Variants in DPP6 observed in about 807,000 individuals in gnomAD.
DPP6 encodes the protein dipeptidyl peptidase like 6.
DPP6 carries 69 observed loss-of-function variants against 122.6 expected under a neutral mutation model. The observed-to-expected ratio is 0.56, with a 90% CI of 0.46 to 0.69. DPP6 has a LOEUF of 0.69. DPP6 is among the 30% of genes least tolerant of loss of function. The probability of loss-of-function intolerance (pLI) is 0.00; values close to 1 mark genes in which losing one functional copy is unlikely to be tolerated. For synonymous variants in DPP6, 418 were observed against 433.1 expected (o/e 0.97, Z 0.43); for missense variants, 928 against 1,116.9 (o/e 0.83, Z 2.41).
chr7:153,818,327 T>C, the DPP6 span, among the ~76,000 whole-genome samples: 1 of 152,012 alleles, frequency 6.6e-6, no homozygotes, highest in Non-Finnish European at 1.5e-5. Context: ...CCCTGGAAAT[T>C]TGATGAGGGG....
the DPP6 span, among the ~76,000 whole-genome samples, chr7:153,753,105 G>A: frequency 6.6e-6 from 1 of 151,662 alleles, no homozygotes; most frequent in Non-Finnish European, 1.5e-5. Flanking sequence ...TGTTGTAATT[G>A]TTTATATTTC....
At chr7:154,449,648 G>C (rs1244326097) in intron 2 of DPP6, among the ~76,000 whole-genome samples, 1 of 152,108 alleles carries the variant, frequency 6.6e-6, no homozygotes, top group East Asian at 1.9e-4. Context: ...GTTCATAACA[G>C]CATTAATGAT....
rs535797329 is a variant in DPP6, at chr7:154,887,580, C to A, written c.2246-96C>A. On this transcript the variant is annotated intron_variant, in intron 22 of 25. Coordinates refer to ENST00000377770, the MANE Select transcript of DPP6 (RefSeq NM_130797.4). The stretch of plus-strand genomic sequence containing the variant: ...AAGTGGGAATGAGCCTGAGTCCTCA[C>A]CCCGCACCCGGTCCAGGGCCCTCCC... 5.5e-6 allele frequency: 7 copies of A among 1,263,264 alleles called. No homozygotes were observed. The South Asian group carries it at 8.3e-5, about 15-fold the overall frequency. 78.3% of individuals were successfully genotyped at this position (1,263,264 alleles called of 1,614,324 possible). A position where few individuals can be genotyped will look rare whatever the true frequency, so the allele number is the denominator to read the frequency against.
chr7:153,856,424 G>T, the DPP6 span, among the ~76,000 whole-genome samples: 1 of 152,126 alleles, frequency 6.6e-6, no homozygotes, highest in Non-Finnish European at 1.5e-5. Flanking sequence ...TTTAAGAGGA[G>T]AAAATATTCA....
intron 1 of DPP6, among the ~76,000 whole-genome samples, chr7:154,428,951 C>T (rs756039983): frequency 9.2e-5 from 14 of 152,078 alleles, no homozygotes; most frequent in Admixed American, 3.3e-4. Context: ...CAGCACTGTA[C>T]GCTTCATCCA....
chr7:154,559,906 T>A (rs928317815), intron 4 of DPP6, among the ~76,000 whole-genome samples: 1 of 91,562 alleles, frequency 1.1e-5, no homozygotes. Flanking sequence ...CCTTTTTCTC[T>A]TAAAAAAAAT....
At chr7:154,635,124 C>T (rs1428217517) in intron 5 of DPP6, among the ~76,000 whole-genome samples, 1 of 152,154 alleles carries the variant, frequency 6.6e-6, no homozygotes, top group Non-Finnish European at 1.5e-5. Flanking sequence ...TCAAATCCCA[C>T]TTGACTTTAA....
rs1584985453 is a variant in DPP6, at chr7:154,884,702, GGCACACATGATC to G, written c.2134-930_2134-919del. 5 of 69,028 alleles carry G rather than the reference GGCACACATGATC, an allele frequency of 7.2e-5. No individual in the cohort carries two copies. In the East Asian group the frequency reaches 3.9e-3, roughly 53 times the overall value. The allele number at this position is 69,028 out of a possible 1,614,324, so 4.3% of individuals were successfully genotyped here. A position where few individuals can be genotyped will look rare whatever the true frequency, so the allele number is the denominator to read the frequency against. ...ACACACAAGCACACATGATCACACAGGCACACATGATCACACATACACAGGCTTGCACAAGTT... is the reference window on the plus strand; with the variant it reads ...ACACACAAGCACACATGATCACACAGACACATACACAGGCTTGCACAAGTT... On this transcript the variant is annotated intron_variant, in intron 21 of 25. Transcript: ENST00000377770.
chr7:154,544,498 C>T (rs1829003560), intron 4 of DPP6, among the ~76,000 whole-genome samples: 1 of 152,196 alleles, frequency 6.6e-6, no homozygotes, highest in South Asian at 2.1e-4. Flanking sequence ...AGATGCTCCA[C>T]TGCTATGTGT....
At chr7:154,093,868 C>G (rs1184327631) in intron 1 of DPP6, 1 of 126,240 alleles carries the variant, frequency 7.9e-6, no homozygotes, top group Non-Finnish European at 1.7e-5. Flanking sequence ...AGGGGGATCC[C>G]GCCGTGCTTC....
At chr7:154,536,191 C>A (rs1304766300) in intron 3 of DPP6, among the ~76,000 whole-genome samples, 1 of 151,990 alleles carries the variant, frequency 6.6e-6, no homozygotes, top group African/African-American at 2.4e-5. Context: ...GAGAGAAACA[C>A]AAAAGACTAT....
upstream of DPP6, among the ~76,000 whole-genome samples, chr7:153,885,850 CAT>C (rs1798890308): frequency 6.6e-6 from 1 of 152,174 alleles, no homozygotes; most frequent in African/African-American, 2.4e-5. Flanking sequence ...TGCTCGTGCA[CAT>C]GTCCTAATGT....
chr7:153,774,891 C>T, the DPP6 span, among the ~76,000 whole-genome samples: 2 of 152,022 alleles, frequency 1.3e-5, no homozygotes, highest in South Asian at 4.2e-4. Flanking sequence ...TCTCTTGAGC[C>T]CAGGAGTTCA....
At chr7:154,621,407 C>T (rs553684464) in intron 5 of DPP6, among the ~76,000 whole-genome samples, 65 of 152,306 alleles carry the variant, frequency 4.3e-4, no homozygotes, top group Middle Eastern at 3.4e-3. Context: ...CTCACTCTGT[C>T]GCCCAGGCTA....
chr7:154,770,213 C>T (rs566688374), intron 9 of DPP6, among the ~76,000 whole-genome samples: 8 of 152,192 alleles, frequency 5.3e-5, no homozygotes, highest in Non-Finnish European at 1.0e-4. Flanking sequence ...TACAGTTCCA[C>T]GTGGCTGGGG....
At chr7:154,684,322 T>G (rs1586884442) in intron 7 of DPP6, among the ~76,000 whole-genome samples, 1 of 152,020 alleles carries the variant, frequency 6.6e-6, no homozygotes, top group South Asian at 2.1e-4. Flanking sequence ...CTTGTTATTC[T>G]CCCCCAGCCA....
intron 16 of DPP6, among the ~76,000 whole-genome samples, chr7:154,836,056 G>A (rs1264900965): frequency 6.6e-6 from 1 of 152,194 alleles, no homozygotes; most frequent in African/African-American, 2.4e-5. Context: ...GTTCCTCCGA[G>A]GCTCCCAAAC....
chr7:153,774,291 T>G, the DPP6 span, among the ~76,000 whole-genome samples: 1 of 152,148 alleles, frequency 6.6e-6, no homozygotes, highest in African/African-American at 2.4e-5. Context: ...ATCAGAGTTG[T>G]CCTTTTCACC....
At chr7:154,424,007 TTCCCACCAATGTG>T (rs1817693383) in intron 1 of DPP6, among the ~76,000 whole-genome samples, 1 of 152,304 alleles carries the variant, frequency 6.6e-6, no homozygotes, top group East Asian at 1.9e-4. Flanking sequence ...ATTGCCAGTT[TTCCCACCAATGTG>T]GACACATATA....
Sources: allele counts gnomAD v4.1 joint callset (sites outside exome capture counted in the v4.1 genomes callset), GRCh38; gene constraint gnomAD v4.1.1; transcripts MANE v1.5; gene names NCBI Gene and HGNC (gene_info 2026-07-23, HGNC 2026-07-21).